HSD17B12: variants seen among roughly 807,000 people sequenced by gnomAD.
HSD17B12 encodes very-long-chain 3-oxoacyl-CoA reductase.
HSD17B12 carries 32 observed loss-of-function variants against 39.3 expected under a neutral mutation model. The observed-to-expected ratio is 0.81, with a 90% CI of 0.61 to 1.09. The LOEUF is 1.09. Among genes scored for constraint, HSD17B12 ranks in the 50% least tolerant of loss-of-function variants. The pLI is 0.00. For missense variants in HSD17B12, 342 were observed against 382.9 expected (o/e 0.89, Z 0.89); for synonymous variants, 150 against 146.7 (o/e 1.02, Z -0.16).
intron 1 of HSD17B12, among the ~76,000 whole-genome samples, chr11:43,724,988 C>T (rs546218999): frequency 1.3e-5 from 2 of 152,274 alleles, no homozygotes; most frequent in East Asian, 3.9e-4. Context: ...ATCTCTGTAA[C>T]AAATATTTAC....
the HSD17B12 span, among the ~76,000 whole-genome samples, chr11:43,613,355 G>A: frequency 1.5e-4 from 22 of 151,266 alleles, no homozygotes; most frequent in Middle Eastern, 0.01. Flanking sequence ...TCATATCATC[G>A]CACTCCAGCC....
chr11:43,815,510 T>C lies in HSD17B12; in HGVS notation c.456+9T>C, dbSNP rs1276366299. On this transcript the variant is annotated intron_variant, in intron 5 of 10. Coordinates refer to ENST00000278353, the MANE Select transcript of HSD17B12 (RefSeq NM_016142.3). ...TTCCTGACTTGGACAATGTAAGTCT[T>C]TCTTTGTGTATTATGGTAACAAAAA... 6.5e-7 allele frequency: 1 copy of C among 1,530,828 alleles called. No individual in the cohort carries two copies. The highest frequency in any genetic ancestry group is 9.0e-7 in the Non-Finnish European group (1 of 1,115,518). 94.8% of individuals were successfully genotyped at this position (1,530,828 alleles called of 1,614,324 possible).
At chr11:43,663,445 A>C in the HSD17B12 span, among the ~76,000 whole-genome samples, 1 of 151,836 alleles carries the variant, frequency 6.6e-6, no homozygotes, top group Non-Finnish European at 1.5e-5. Context: ...TTGCCCAGGC[A>C]GGTCTCAAAC....
the HSD17B12 span, chr11:43,670,484 T>G: frequency 6.6e-6 from 1 of 152,204 alleles, no homozygotes. Flanking sequence ...GGTAGGTTTT[T>G]GGTTTTTGGT....
At chr11:43,839,860 C>T in intron 8 of HSD17B12, 139 bp from the exon 9 acceptor site, 1 of 709,852 alleles carries the variant, frequency 1.4e-6, no homozygotes, top group South Asian at 1.8e-5. Flanking sequence ...TTTCTAAGTT[C>T]TCTTCTGCGT....
the HSD17B12 span, among the ~76,000 whole-genome samples, chr11:43,572,610 GA>G: frequency 6.6e-6 from 1 of 152,160 alleles, no homozygotes; most frequent in African/African-American, 2.4e-5. Flanking sequence ...TTTCAAATGG[GA>G]AAAATAATAA....
the HSD17B12 span, among the ~76,000 whole-genome samples, chr11:43,615,525 A>G: frequency 6.6e-6 from 1 of 152,200 alleles, no homozygotes; most frequent in East Asian, 1.9e-4. Flanking sequence ...TCCAACCTCT[A>G]CCTCATCAGC....
chr11:43,681,647 A>G (rs995074187), intron 1 of HSD17B12, among the ~76,000 whole-genome samples: 1 of 151,470 alleles, frequency 6.6e-6, no homozygotes, highest in Non-Finnish European at 1.5e-5. Flanking sequence ...CTGTAAAATG[A>G]TAACTCATCA....
At chr11:43,691,627 A>T (rs940622292) in intron 1 of HSD17B12, among the ~76,000 whole-genome samples, 3 of 152,176 alleles carry the variant, frequency 2.0e-5, no homozygotes, top group Middle Eastern at 3.2e-3. Flanking sequence ...TGAAGCCTCC[A>T]ATCAAGTTAC....
chr11:43,829,289 T>A (rs1244950857), intron 6 of HSD17B12, among the ~76,000 whole-genome samples: 2 of 152,240 alleles, frequency 1.3e-5, no homozygotes, highest in Non-Finnish European at 2.9e-5. Flanking sequence ...GTCAAGTTAT[T>A]AAAACTTCTT....
At chr11:43,722,023 C>T (rs943306310) in intron 1 of HSD17B12, among the ~76,000 whole-genome samples, 1 of 151,964 alleles carries the variant, frequency 6.6e-6, no homozygotes, top group South Asian at 2.1e-4. Context: ...AGTGGTCATA[C>T]GTGGTATGTA....
chr11:43,623,489 CTT>C, the HSD17B12 span, among the ~76,000 whole-genome samples: 3 of 151,550 alleles, frequency 2.0e-5, no homozygotes, highest in Non-Finnish European at 2.9e-5. Context: ...TTTAAAAAGA[CTT>C]CGGCAAAATA....
At chr11:43,823,351 A>C (rs1951201171) in intron 6 of HSD17B12, among the ~76,000 whole-genome samples, 1 of 152,074 alleles carries the variant, frequency 6.6e-6, no homozygotes, top group Non-Finnish European at 1.5e-5. Context: ...GCTCACTGTA[A>C]CGTCAAACTA....
At chr11:43,637,343 C>T in the HSD17B12 span, among the ~76,000 whole-genome samples, 1 of 151,872 alleles carries the variant, frequency 6.6e-6, no homozygotes, top group East Asian at 1.9e-4. Flanking sequence ...GCCTCAGCCT[C>T]CCAAGTAGCT....
At chr11:43,770,906 C>A (rs1381887304) in intron 3 of HSD17B12, among the ~76,000 whole-genome samples, 1 of 152,102 alleles carries the variant, frequency 6.6e-6, no homozygotes, top group South Asian at 2.1e-4. Context: ...AAATTTATTT[C>A]TTCTATTATG....
the HSD17B12 span, among the ~76,000 whole-genome samples, chr11:43,641,671 T>C: frequency 6.6e-6 from 1 of 151,966 alleles, no homozygotes; most frequent in South Asian, 2.1e-4. Flanking sequence ...TGTTTGGTAA[T>C]TGTGTTACGT....
At chr11:43,585,190 G>A in the HSD17B12 span, among the ~76,000 whole-genome samples, 1 of 152,130 alleles carries the variant, frequency 6.6e-6, no homozygotes, top group East Asian at 1.9e-4. Flanking sequence ...TTTTTTTGAA[G>A]GGTAAGGCAT....
the HSD17B12 span, among the ~76,000 whole-genome samples, chr11:43,577,387 C>G: frequency 5.3e-5 from 8 of 151,998 alleles, no homozygotes; most frequent in African/African-American, 1.7e-4. Context: ...GGAGGGGGAG[C>G]GAAGTGTTAG....
the HSD17B12 span, among the ~76,000 whole-genome samples, chr11:43,605,315 G>C: frequency 1.3e-5 from 2 of 151,942 alleles, no homozygotes; most frequent in Non-Finnish European, 2.9e-5. Context: ...TAATCCCAGT[G>C]CTTTGGGAGG....
Sources: allele counts gnomAD v4.1 joint callset (sites outside exome capture counted in the v4.1 genomes callset), GRCh38; gene constraint gnomAD v4.1.1; transcripts MANE v1.5; gene names NCBI Gene and HGNC (gene_info 2026-07-23, HGNC 2026-07-21).